The following DNAAF9 variants were observed in gnomAD, a reference collection of about 807,000 sequenced individuals.
The protein encoded by DNAAF9 is dynein axonemal assembly factor 9.
In DNAAF9, 90 loss-of-function variants were observed where a neutral mutation model predicts 167.0. That is an observed-to-expected ratio of 0.54 (90% confidence interval 0.45 to 0.64). The LOEUF (loss-of-function observed/expected upper bound fraction) is 0.64. Among genes scored for constraint, DNAAF9 ranks in the 30% least tolerant of loss-of-function variants. The pLI, the probability that DNAAF9 is intolerant of heterozygous loss-of-function variation, is 0.00. For synonymous variants in DNAAF9, 491 were observed against 508.8 expected, an observed-to-expected ratio of 0.96 and a Z score of 0.47; for missense variants, 1,315 against 1,442.2, an observed-to-expected ratio of 0.91 and a Z score of 1.43.
intron 20 of DNAAF9, chr20:3,307,181 T>C (rs908129013): frequency 1.0e-6 from 1 of 982,706 alleles, no homozygotes; most frequent in Non-Finnish European, 1.2e-6. Context: ...CCCACTAGAC[T>C]CTGAAGCCTC....
intron 12 of DNAAF9, among the ~76,000 whole-genome samples, chr20:3,327,001 A>G (rs1052552427): frequency 6.6e-6 from 1 of 152,080 alleles, no homozygotes; most frequent in Non-Finnish European, 1.5e-5. Context: ...CTGTAGTTTC[A>G]TATCGTCTTT....
chr20:3,359,516 A>T lies in DNAAF9; in HGVS notation c.690T>A (p.Asp230Glu), dbSNP rs758418377. 1.2e-6 allele frequency: 2 copies of T among 1,604,918 alleles called. No individual in the cohort carries two copies. Among genetic ancestry groups the T allele is most frequent in the East Asian group, 2.2e-5 (1 of 44,750 alleles). Residue 230 changes from aspartate (D) to glutamate (E), a missense_variant and splice_region_variant, in exon 7 of 37, where the codon GAT becomes GAA. Physicochemically the swap from Asp to Glu is conservative, Grantham distance 45 (BLOSUM62 2). This residue lies in a region of DNAAF9 where 981 missense variants were observed against 1,012.5 expected (regional missense o/e 0.97). Transcript: ENST00000252032. The part of the protein sequence containing the change: ...DPMSLESLLS[D>E]DLVAFEHQWT... ...TAAAAGTTACTGTTTGGCTCCTTAC[A>T]TCTGAAAGCAAACTCTCCAGAGACA...
At chr20:3,301,150 G>A (rs900021585) in intron 21 of DNAAF9, among the ~76,000 whole-genome samples, 10 of 147,078 alleles carry the variant, frequency 6.8e-5, no homozygotes, top group African/African-American at 2.0e-4. Flanking sequence ...AAATAGTTGC[G>A]ACTTCAGGTA....
Position 3,377,015 on chromosome 20 carries a change from G to A in DNAAF9, c.284-713C>T, listed in dbSNP as rs1402187370. Reference sequence around the variant, plus strand: ...ACCTGGGAGGCAGAGGTTGCAGTGAGCTGAGATTGCACCACTGCACTCCAG... The same window carrying A: ...ACCTGGGAGGCAGAGGTTGCAGTGAACTGAGATTGCACCACTGCACTCCAG... On this transcript the variant is annotated intron_variant, in intron 3 of 36. Transcript: ENST00000252032. Among the ~76,000 whole-genome samples the A allele has an allele frequency of 2.0e-5, 3 of 152,344 alleles. No individual in the cohort carries two copies. In the East Asian group the frequency reaches 5.8e-4, roughly 29 times the overall value.
At chr20:3,337,883 G>C (rs1034331408) in intron 10 of DNAAF9, among the ~76,000 whole-genome samples, 1 of 151,046 alleles carries the variant, frequency 6.6e-6, no homozygotes, top group Non-Finnish European at 1.5e-5. Flanking sequence ...TTAGCAATAA[G>C]AAAAATAAAA....
intron 30 of DNAAF9, among the ~76,000 whole-genome samples, chr20:3,269,023 C>A (rs1037501322): frequency 6.6e-6 from 1 of 150,986 alleles, no homozygotes; most frequent in African/African-American, 2.4e-5. Flanking sequence ...CCTCCCTCAG[C>A]CTCCCAAGTA....
intron 7 of DNAAF9, among the ~76,000 whole-genome samples, chr20:3,349,008 C>T (rs917513429): frequency 6.6e-6 from 1 of 151,910 alleles, no homozygotes; most frequent in Admixed American, 6.6e-5. Context: ...TTGAGTTGTA[C>T]ACTTAAAATG....
chr20:3,371,406 C>T (rs758751768), intron 6 of DNAAF9, among the ~76,000 whole-genome samples: 39 of 129,718 alleles, frequency 3.0e-4, no homozygotes, highest in Admixed American at 5.6e-4. Context: ...TGCAGTGGCG[C>T]TATCTCGGCT....
At chr20:3,376,534 T>C (rs1022476473) in intron 3 of DNAAF9, among the ~76,000 whole-genome samples, 6 of 152,246 alleles carry the variant, frequency 3.9e-5, no homozygotes, top group African/African-American at 1.4e-4. Flanking sequence ...GCCTGTGACA[T>C]ACCCTCAGGA....
chr20:3,310,558 G>A (rs1054448290), intron 20 of DNAAF9, among the ~76,000 whole-genome samples: 2 of 151,688 alleles, frequency 1.3e-5, no homozygotes, highest in Admixed American at 6.6e-5. Context: ...GATGGTGCAC[G>A]CCTGTAGTCC....
At position 3,322,392 on chromosome 20, in the gene DNAAF9, A is replaced by G. The variant is rs76021610; in HGVS notation, c.1311-130T>C. 2.4e-3 allele frequency: 1,884 copies of G among 783,854 alleles called. 26 individuals are homozygous for G. The African/African-American group carries it at 0.029, about 12-fold the overall frequency. The allele number at this position is 783,854 out of a possible 1,614,324, so 48.6% of individuals were successfully genotyped here. A position where few individuals can be genotyped will look rare whatever the true frequency, so the allele number is the denominator to read the frequency against. On this transcript the variant is annotated intron_variant, in intron 15 of 36. Transcript: ENST00000252032. ...GATTGCTCTTAGGGCCTTTCAAAAC[A>G]CTGGGTTGCATGTCTGTAGAATTGG...
At chr20:3,296,010 G>A in intron 23 of DNAAF9, 1 of 1,376,666 alleles carries the variant, frequency 7.3e-7, no homozygotes, top group Non-Finnish European at 1.0e-6. Flanking sequence ...TACACATCGG[G>A]AACTTCGGTT....
rs144945104 is a variant in DNAAF9 at position 3,286,302 on chromosome 20, T to A, written c.2486+1330A>T. 4.1e-4 allele frequency among the ~76,000 whole-genome samples: 62 copies of A among 152,304 alleles called. No homozygotes were observed. In the Middle Eastern group the frequency reaches 0.01, roughly 25 times the overall value. On this transcript the variant is annotated intron_variant, in intron 27 of 36. Coordinates refer to ENST00000252032, the MANE Select transcript of DNAAF9 (RefSeq NM_001009984.3). ...GTATAAGAGTGGTCTGGTCACACTG[T>A]CACTGTAGTCCAGAAGCAGCTAGAA... is the stretch of plus-strand genomic sequence containing the variant.
At chr20:3,296,152 C>T in intron 23 of DNAAF9, 1 of 609,672 alleles carries the variant, frequency 1.6e-6, no homozygotes, top group South Asian at 1.4e-5. Context: ...GTTCTGCAAC[C>T]TCTGTAGTCC....
At chr20:3,283,312 G>C (rs778259419) in intron 27 of DNAAF9, among the ~76,000 whole-genome samples, 5 of 152,122 alleles carry the variant, frequency 3.3e-5, no homozygotes, top group African/African-American at 4.8e-5. Flanking sequence ...GAGTTCCTAC[G>C]AACAACTCAT....
intron 12 of DNAAF9, among the ~76,000 whole-genome samples, chr20:3,330,328 G>A (rs537306591): frequency 2.6e-4 from 39 of 151,796 alleles, no homozygotes; most frequent in African/African-American, 9.4e-4. Context: ...GTGAAATCTC[G>A]ACCTCCCAGG....
At chr20:3,263,765 A>G (rs979754021) in intron 31 of DNAAF9, among the ~76,000 whole-genome samples, 2 of 152,258 alleles carry the variant, frequency 1.3e-5, no homozygotes, top group African/African-American at 4.8e-5. Flanking sequence ...GAAGCTATGA[A>G]GCACTTGAAA....
At chr20:3,255,175 C>G (rs973229569) in intron 35 of DNAAF9, 44 bp downstream of exon 35, 1 of 1,269,018 alleles carries the variant, frequency 7.9e-7, no homozygotes, top group Non-Finnish European at 1.1e-6. Flanking sequence ...AAGCCGAGGA[C>G]AGCCCTGGGC....
chr20:3,336,669 C>T (rs561071111), intron 10 of DNAAF9, among the ~76,000 whole-genome samples: 1 of 152,118 alleles, frequency 6.6e-6, no homozygotes, highest in Non-Finnish European at 1.5e-5. Context: ...CCTGCCTCAG[C>T]CTCCCGAGCA....
Sources: allele counts gnomAD v4.1 joint callset (sites outside exome capture counted in the v4.1 genomes callset), GRCh38; gene constraint gnomAD v4.1.1; regional missense constraint gnomAD v4.1.1; transcripts MANE v1.5; gene names NCBI Gene and HGNC (gene_info 2026-07-23, HGNC 2026-07-21).